The following DENND4C variants were observed in gnomAD, a reference collection of about 807,000 sequenced individuals.
DENND4C encodes DENN domain-containing protein 4C.
Under a neutral mutation model 203.0 loss-of-function variants are expected in DENND4C, and 108 were observed. That is an observed-to-expected ratio of 0.53 (90% confidence interval 0.46 to 0.62). The LOEUF is 0.62. DENND4C is among the 20% of genes least tolerant of loss of function. The pLI is 0.00. For missense variants in DENND4C, 2,481 were observed against 2,301.2 expected, an observed-to-expected ratio of 1.08 and a Z score of -1.60; for synonymous variants, 871 against 792.4, an observed-to-expected ratio of 1.10 and a Z score of -1.67.
At chr9:19,357,758 C>T (rs958033312) in intron 27 of DENND4C, 3 of 451,216 alleles carry the variant, frequency 6.6e-6, no homozygotes, top group Non-Finnish European at 1.2e-5. Flanking sequence ...CATCTTCCCA[C>T]CCCTCACCAG....
intron 1 of DENND4C, among the ~76,000 whole-genome samples, chr9:19,262,448 C>CTTTTTTTTTTTTTTT (rs59268086): frequency 8.9e-5 from 12 of 134,148 alleles, no homozygotes; most frequent in South Asian, 2.3e-4. Context: ...TATATCATAT[C>CTTTTTTTTTTTTTTT]TTTTTTTTTT....
chr9:19,235,903 A>G (rs1821854790), intron 1 of DENND4C, among the ~76,000 whole-genome samples: 1 of 151,904 alleles, frequency 6.6e-6, no homozygotes, highest in Admixed American at 6.6e-5. Context: ...TGGCCAGAAG[A>G]GTCATCTTAT....
At chr9:19,326,264 T>C (rs1588924948) in intron 15 of DENND4C, 70 bp downstream of exon 15, 4 of 1,477,264 alleles carry the variant, frequency 2.7e-6, no homozygotes, top group Non-Finnish European at 3.6e-6. Context: ...TTAGTAGATA[T>C]GTATATTAGT....
intron 17 of DENND4C, among the ~76,000 whole-genome samples, chr9:19,333,209 G>T (rs1338320580): frequency 1.3e-5 from 2 of 151,502 alleles, no homozygotes; most frequent in Non-Finnish European, 2.9e-5. Context: ...TAGAGATGGG[G>T]TCTCGATATG....
At chr9:19,331,147 C>A (rs569687118) in intron 16 of DENND4C, among the ~76,000 whole-genome samples, 8 of 151,736 alleles carry the variant, frequency 5.3e-5, no homozygotes, top group Non-Finnish European at 1.2e-4. Flanking sequence ...AAAACCAGAA[C>A]TAGAAAACAT....
At chr9:19,363,953 G>A (rs1158966221) in intron 30 of DENND4C, among the ~76,000 whole-genome samples, 2 of 152,174 alleles carry the variant, frequency 1.3e-5, no homozygotes, top group East Asian at 3.9e-4. Flanking sequence ...AGCAGAGGTT[G>A]CAATGAGCCG....
chr9:19,341,438 C>G (rs1009523013), intron 21 of DENND4C, among the ~76,000 whole-genome samples: 15 of 151,546 alleles, frequency 9.9e-5, no homozygotes, highest in African/African-American at 3.4e-4. Context: ...AGTCCCCTGT[C>G]AGCTGGGACC....
chr9:19,279,809 G>T (rs1430206422), intron 2 of DENND4C, among the ~76,000 whole-genome samples: 1 of 152,004 alleles, frequency 6.6e-6, no homozygotes, highest in Non-Finnish European at 1.5e-5. Flanking sequence ...GCACTCCAGC[G>T]TGGGCAACAG....
At chr9:19,315,537 GTA>G (rs956343010) in intron 10 of DENND4C, among the ~76,000 whole-genome samples, 2 of 150,232 alleles carry the variant, frequency 1.3e-5, no homozygotes, top group Non-Finnish European at 3.0e-5. Flanking sequence ...ATATGTATGT[GTA>G]TATATATACG....
At chr9:19,232,891 G>A (rs986020322) in intron 1 of DENND4C, among the ~76,000 whole-genome samples, 7 of 152,094 alleles carry the variant, frequency 4.6e-5, no homozygotes, top group African/African-American at 1.7e-4. Context: ...TGCTCTTTGT[G>A]TATCTGCCAG....
rs750758466 is a variant in DENND4C at position 19,305,410 on chromosome 9, C to G, written c.1370C>G (p.Ala457Gly). Residue 457 changes from alanine (A) to glycine (G), a missense_variant, in exon 10 of 33, where the codon GCT becomes GGT. Physicochemically the swap from Ala to Gly is moderately conservative, Grantham distance 60. This residue lies in a region of DENND4C where 2,289 missense variants were observed against 2,113.3 expected (regional missense o/e 1.08). Coordinates refer to ENST00000434457, the MANE Select transcript of DENND4C (RefSeq NM_001330640.2). ...ATTCCCCTTTGTCCTCTTTCACTGG[C>G]TGCAGTGCTTAGTGCACCTTTACCA... is the stretch of plus-strand genomic sequence containing the variant. ...PYIPLCPLSL[A>G]AVLSAPLPFI... 2 of 1,613,852 alleles carry G rather than the reference C, an allele frequency of 1.2e-6. No homozygotes were observed. The highest frequency in any genetic ancestry group is 1.7e-6 in the Non-Finnish European group (2 of 1,179,840).
intron 1 of DENND4C, among the ~76,000 whole-genome samples, chr9:19,252,331 G>A (rs181437565): frequency 1.3e-5 from 2 of 152,222 alleles, no homozygotes; most frequent in African/African-American, 4.8e-5. Flanking sequence ...CCTCTCACCA[G>A]GTTCCTCCCA....
At chr9:19,351,448 C>G (rs1422514296) in intron 24 of DENND4C, among the ~76,000 whole-genome samples, 6 of 152,132 alleles carry the variant, frequency 3.9e-5, no homozygotes, top group African/African-American at 1.2e-4. Context: ...ATTGAAGTTT[C>G]TTACTCCATG....
chr9:19,319,410 A>AAATG (rs1842489469), intron 12 of DENND4C, among the ~76,000 whole-genome samples: 2 of 142,004 alleles, frequency 1.4e-5, no homozygotes, highest in South Asian at 4.3e-4. Context: ...ATATACACAC[A>AAATG]TATATATATA....
In DENND4C at chr9:19,351,794, G is replaced by A. The variant is rs186190010; in HGVS notation, c.4496-279G>A. Among the ~76,000 whole-genome samples the A allele has an allele frequency of 3.0e-3, 443 of 146,286 alleles. 2 individuals are homozygous for A. The highest frequency in any genetic ancestry group is 9.4e-3 in the African/African-American group (362 of 38,506). ...TGCACTCTAGCCTGGGCAACAGAGC[G>A]AGACTCCATCTAAAAAAAAAAAAAA... On this transcript the variant is annotated intron_variant, in intron 24 of 32. Transcript: ENST00000434457.
intron 30 of DENND4C, among the ~76,000 whole-genome samples, chr9:19,369,448 A>C (rs903089132): frequency 1.3e-5 from 2 of 152,182 alleles, no homozygotes; most frequent in Non-Finnish European, 2.9e-5. Context: ...AGCAAGGAGA[A>C]AATGCGACAA....
rs1588818073 is a variant in DENND4C at position 19,276,358 on chromosome 9, A to G, written c.184A>G (p.Thr62Ala). Residue 62 changes from threonine (T) to alanine (A), a missense_variant, in exon 2 of 33, where the codon ACC (threonine) becomes GCC (alanine). Physicochemically the swap from Thr to Ala is moderately conservative, Grantham distance 58. This residue lies in a region of DENND4C where 187 missense variants were observed against 167.4 expected (regional missense o/e 1.12). Coordinates refer to ENST00000434457, the MANE Select transcript of DENND4C (RefSeq NM_001330640.2). ...TGGAGAAACAGTACCTGAAGGTTAC[A>G]CCTGTGTAGAAGCCACTCCATCAGC... ...SAGETVPEGY[T>A]CVEATPSALQ... The G allele has an allele frequency of 4.1e-6, 5 of 1,232,140 alleles. No homozygotes were observed. In the East Asian group the frequency reaches 1.6e-4, roughly 39 times the overall value. The allele number at this position is 1,232,140 out of a possible 1,614,324, so 76.3% of individuals were successfully genotyped here. A position where few individuals can be genotyped will look rare whatever the true frequency, so the allele number is the denominator to read the frequency against.
At chr9:19,330,693 A>C (rs965081096) in intron 16 of DENND4C, among the ~76,000 whole-genome samples, 3 of 152,022 alleles carry the variant, frequency 2.0e-5, no homozygotes, top group Non-Finnish European at 2.9e-5. Flanking sequence ...TGCAGAGCAT[A>C]AAATGGCATT....
At chr9:19,288,933 A>T (rs1263867920) in intron 4 of DENND4C, among the ~76,000 whole-genome samples, 1 of 152,244 alleles carries the variant, frequency 6.6e-6, no homozygotes, top group Non-Finnish European at 1.5e-5. Context: ...CTTTTGGTCT[A>T]CGTTAATAGA....
Sources: allele counts gnomAD v4.1 joint callset (sites outside exome capture counted in the v4.1 genomes callset), GRCh38; gene constraint gnomAD v4.1.1; regional missense constraint gnomAD v4.1.1; transcripts MANE v1.5; gene names NCBI Gene and HGNC (gene_info 2026-07-23, HGNC 2026-07-21).